PRH1: variants seen among roughly 807,000 people sequenced by gnomAD.
PRH1 encodes proline rich protein HaeIII subfamily 1.
In PRH1, 7 loss-of-function variants were observed where a neutral mutation model predicts 7.9. The observed-to-expected ratio is 0.89, with a 90% confidence interval of 0.50 to 1.67. The LOEUF is 1.67. Ranked by LOEUF, PRH1 falls within the 40% of genes most tolerant of loss-of-function variation. PRH1 has a pLI of 0.00. For synonymous variants in PRH1, 45 were observed against 80.8 expected (o/e 0.56, Z 2.38); for missense variants, 109 against 223.6 (o/e 0.49, Z 3.27).
upstream of PRH1, chr12:11,049,163 C>T (rs985446635): frequency 9.2e-6 from 9 of 976,784 alleles, no homozygotes; most frequent in Middle Eastern, 4.8e-4. Context: ...CACTCAAGGA[C>T]ACCTACTAGA....
intron 1 of PRH1, among the ~76,000 whole-genome samples, chr12:11,166,861 G>T (rs74896032): frequency 0.047 from 7,210 of 152,290 alleles, 227 homozygotes; most frequent in Non-Finnish European, 0.072. Context: ...GCTCTAGGAA[G>T]GAATCCATTT....
chr12:11,009,184 T>C (rs1165803277), intron 1 of PRH1, among the ~76,000 whole-genome samples: 1 of 151,924 alleles, frequency 6.6e-6, no homozygotes, highest in African/African-American at 2.4e-5. Flanking sequence ...TTTCTGTCTA[T>C]AAAAGTCTAC....
intron 2 of PRH1, among the ~76,000 whole-genome samples, chr12:10,946,349 G>T (rs888799904): frequency 6.6e-6 from 1 of 152,088 alleles, no homozygotes; most frequent in African/African-American, 2.4e-5. Flanking sequence ...TCCGTTTGGG[G>T]TCTCTGACTT....
In PRH1 at chr12:11,030,928, A is replaced by T. The variant is rs1221736664; in HGVS notation, c.-126+16092T>A. ...AAAGTTGACAAGCCAAAAATAGTAA[A>T]GGCCCCAACAGCATCACCAGAATGA... On this transcript the variant is annotated intron_variant, in intron 1 of 3. Transcript: ENST00000539853. The T allele has an allele frequency of 2.5e-6, 4 of 1,614,160 alleles. No homozygotes were observed. In the Admixed American group the frequency reaches 5.0e-5, roughly 20 times the overall value.
At chr12:10,899,280 ATT>A (rs34976813) in intron 2 of PRH1, among the ~76,000 whole-genome samples, 22 of 151,776 alleles carry the variant, frequency 1.4e-4, no homozygotes, top group African/African-American at 5.1e-4. Flanking sequence ...GAAAGATTAC[ATT>A]TTTTTTTATG....
intron 1 of PRH1, chr12:10,996,811 A>G (rs1393012842): frequency 1.5e-6 from 1 of 663,594 alleles, no homozygotes; most frequent in East Asian, 2.9e-5. Flanking sequence ...AACTTAGGTA[A>G]AAGACTTTTC....
chr12:11,055,332 AATG>A (rs1174701007), intron 1 of PRH1, among the ~76,000 whole-genome samples: 2 of 152,264 alleles, frequency 1.3e-5, no homozygotes, highest in African/African-American at 4.8e-5. Context: ...TATGGATAAT[AATG>A]ATGAGTAGTA....
At chr12:11,052,911 T>A (rs1041743148) in intron 1 of PRH1, among the ~76,000 whole-genome samples, 1 of 148,030 alleles carries the variant, frequency 6.8e-6, no homozygotes, top group East Asian at 1.9e-4. Context: ...TAAAAATGTT[T>A]CTGATTTTTT....
intron 2 of PRH1, among the ~76,000 whole-genome samples, chr12:10,961,128 C>T (rs769028732): frequency 6.6e-6 from 1 of 152,160 alleles, no homozygotes; most frequent in African/African-American, 2.4e-5. Flanking sequence ...TAGAGGCATG[C>T]ATAGTGGGCA....
At chr12:10,908,531 C>T (rs367621923) in intron 2 of PRH1, 367 of 1,613,720 alleles carry the variant, frequency 2.3e-4, no homozygotes, top group Non-Finnish European at 3.0e-4. Context: ...TGTTCTGATA[C>T]AGCTCAGAAA....
At chr12:10,937,820 A>G (rs1046359178) in intron 2 of PRH1, 2 of 153,370 alleles carry the variant, frequency 1.3e-5, no homozygotes, top group Non-Finnish European at 2.9e-5. Context: ...CTAATCAGGT[A>G]CTAAATATTA....
intron 1 of PRH1, among the ~76,000 whole-genome samples, chr12:11,127,649 T>C (rs1946180702): frequency 6.6e-6 from 1 of 152,138 alleles, no homozygotes; most frequent in South Asian, 2.1e-4. Flanking sequence ...CCCCTCATGG[T>C]TTGGAAAAAT....
chr12:10,998,956 A>G (rs1351773548), intron 1 of PRH1, among the ~76,000 whole-genome samples: 2 of 152,110 alleles, frequency 1.3e-5, no homozygotes, highest in South Asian at 2.1e-4. Flanking sequence ...ACACTAACAC[A>G]CTGTTCCCAG....
chr12:10,981,949 C>T (rs1939379818), intron 1 of PRH1, among the ~76,000 whole-genome samples: 1 of 151,730 alleles, frequency 6.6e-6, no homozygotes, highest in African/African-American at 2.4e-5. Context: ...CCCACTTCGG[C>T]CTCCTAAATT....
At chr12:10,938,460 A>G (rs754411472) in intron 2 of PRH1, 28 of 1,613,940 alleles carry the variant, frequency 1.7e-5, no homozygotes, top group Non-Finnish European at 3.4e-6. Flanking sequence ...GTCCAAACTG[A>G]TATGAAAAAA....
At chr12:11,142,117 A>G (rs1178016611) in intron 1 of PRH1, among the ~76,000 whole-genome samples, 1 of 152,140 alleles carries the variant, frequency 6.6e-6, no homozygotes, top group African/African-American at 2.4e-5. Flanking sequence ...TGAGCAGAAC[A>G]CACAAGGTTA....
chr12:10,891,635 T>G (rs1197060650), intron 2 of PRH1: 1 of 139,556 alleles, frequency 7.2e-6, no homozygotes, highest in Non-Finnish European at 1.6e-5. Context: ...TATTATAAGC[T>G]AACAACTTAG....
chr12:10,962,230 T>C (rs1285257939), intron 2 of PRH1, among the ~76,000 whole-genome samples: 1 of 152,236 alleles, frequency 6.6e-6, no homozygotes, highest in Non-Finnish European at 1.5e-5. Context: ...ATTAAAAATA[T>C]TATATAAAAA....
chr12:11,015,128 A>G (rs1941232179), intron 1 of PRH1, among the ~76,000 whole-genome samples: 1 of 152,196 alleles, frequency 6.6e-6, no homozygotes, highest in Non-Finnish European at 1.5e-5. Context: ...AGAATGCCTC[A>G]TGCAAGCATG....
Sources: gnomAD v4.1 joint callset for allele counts (sites outside exome capture counted in the v4.1 genomes callset) on GRCh38, gnomAD v4.1.1 for gene constraint, MANE v1.5 for transcripts, NCBI Gene and HGNC (gene_info 2026-07-23, HGNC 2026-07-21) for gene names.